RAD54L2: variants seen among roughly 807,000 people sequenced by gnomAD.
RAD54L2 encodes the protein helicase ARIP4.
A neutral mutation model predicts 138.4 loss-of-function variants in RAD54L2; 27 were observed. That is an observed-to-expected ratio of 0.20 (90% confidence interval 0.14 to 0.27). The LOEUF is 0.27. RAD54L2 is among the 10% of genes least tolerant of loss of function. The pLI, the probability that RAD54L2 is intolerant of heterozygous loss-of-function variation, is 1.00. For synonymous variants in RAD54L2, 644 were observed against 723.2 expected (o/e 0.89, Z 1.76); for missense variants, 1,396 against 1,890.2 (o/e 0.74, Z 4.85).
chr3:51,624,953 C>G (rs1041697366), intron 3 of RAD54L2, among the ~76,000 whole-genome samples: 2 of 152,078 alleles, frequency 1.3e-5, no homozygotes, highest in South Asian at 4.2e-4. Flanking sequence ...TGGCTGAGTG[C>G]ATAGGATGAT....
In RAD54L2 at chr3:51,638,196, A is replaced by G. The variant is rs1701035523; in HGVS notation, c.1735A>G (p.Ile579Val). The G allele has an allele frequency of 1.2e-6, 2 of 1,613,868 alleles. No homozygotes were observed. The highest frequency in any genetic ancestry group is 2.7e-5 in the African/African-American group (2 of 74,914). ...IHLPAKEENV[I>V]LVRLSKIQRD... ...TCTCCCTGCCAAGGAAGAAAATGTG[A>G]TCCTTGTGCGGCTCTCCAAGATCCA... Residue 579 changes from isoleucine to valine, a missense_variant, in exon 12 of 23, where the codon ATC becomes GTC. Physicochemically the swap from Ile to Val is conservative, Grantham distance 29 (BLOSUM62 3). Around this residue, in one of 7 missense-constraint regions of RAD54L2, gnomAD observed 211 missense variants for 273.8 expected, o/e 0.77. Coordinates refer to ENST00000684192, the MANE Select transcript of RAD54L2 (RefSeq NM_015106.4). This position sits in a 1 kb window ranked among gnomAD's most constrained non-coding sequence, Gnocchi z 4.3.
At chr3:51,552,525 G>A (rs1051321854) in intron 2 of RAD54L2, among the ~76,000 whole-genome samples, 5 of 146,716 alleles carry the variant, frequency 3.4e-5, no homozygotes, top group African/African-American at 1.0e-4. Flanking sequence ...GCTTCCCAAA[G>A]TGTTGGGATT....
At chr3:51,627,292 A>C (rs370748326) in intron 3 of RAD54L2, among the ~76,000 whole-genome samples, 33 of 152,194 alleles carry the variant, frequency 2.2e-4, no homozygotes, top group Non-Finnish European at 1.5e-5. Context: ...AGTGATGGCT[A>C]TCATTTGTTG....
chr3:51,606,231 G>A (rs1015082032), intron 3 of RAD54L2, among the ~76,000 whole-genome samples: 2 of 152,178 alleles, frequency 1.3e-5, no homozygotes, highest in Non-Finnish European at 2.9e-5. Flanking sequence ...AAGATCCTGG[G>A]TGGGTGAAGA....
At chr3:51,561,857 G>A (rs1380726727) in intron 2 of RAD54L2, among the ~76,000 whole-genome samples, 2 of 151,208 alleles carry the variant, frequency 1.3e-5, no homozygotes, top group Non-Finnish European at 1.5e-5. Flanking sequence ...GCCTGGCTTG[G>A]CTGATTTTTT....
Position 51,612,983 on chromosome 3 carries a change from G to T in RAD54L2, c.140-14570G>T, listed in dbSNP as rs552951664. On this transcript the variant is annotated intron_variant, in intron 3 of 22. Transcript: ENST00000684192. ...TGAGACGAGTCTCGCTCTGTTGCCC[G>T]GGCTGGAGTGTGGTGGCGCAATCTT... is the stretch of plus-strand genomic sequence containing the variant. Among the ~76,000 whole-genome samples, 51 of 151,906 alleles carry T rather than the reference G, an allele frequency of 3.4e-4. 1 individual carries two copies. In the South Asian group the frequency reaches 0.01, roughly 30 times the overall value.
At chr3:51,575,030 G>A (rs1395079655) in intron 2 of RAD54L2, among the ~76,000 whole-genome samples, 2 of 152,136 alleles carry the variant, frequency 1.3e-5, no homozygotes, top group Non-Finnish European at 2.9e-5. Context: ...TGTATAAGGT[G>A]TAAGGAAGGG....
At chr3:51,644,902 A>T (rs1043753684) in intron 16 of RAD54L2, 122 bp from the exon 17 acceptor site, 10 of 935,104 alleles carry the variant, frequency 1.1e-5, no homozygotes, top group African/African-American at 3.3e-5. Context: ...AAAATCCTTG[A>T]GTATGTTGTA....
chr3:51,576,709 T>A (rs1262740958), intron 2 of RAD54L2, among the ~76,000 whole-genome samples: 1 of 152,192 alleles, frequency 6.6e-6, no homozygotes, highest in Non-Finnish European at 1.5e-5. Flanking sequence ...TTTATCATTT[T>A]TATTGTGTCT....
chr3:51,662,730 T>C lies in RAD54L2; in HGVS notation c.3714T>C (p.Thr1238=), dbSNP rs1455386136. Residue 1238 remains threonine, a synonymous_variant, in exon 23 of 23, where the codon ACT becomes ACC. Transcript: ENST00000684192. The surrounding 1 kb of genome is among the most constrained non-coding windows in gnomAD (Gnocchi z 4.6). Reference sequence around the variant, plus strand: ...GCCTCAATAGTTCCCTCTTGGTGACTGGCCAGCCCTGTGGTGACAGGCACC... The same window carrying C: ...GCCTCAATAGTTCCCTCTTGGTGACCGGCCAGCCCTGTGGTGACAGGCACC... The part of the protein sequence containing the change: ...GHCLNSSLLV[T]GQPCGDRHPV... The C allele has an allele frequency of 6.2e-7, 1 of 1,613,556 alleles. No individual in the cohort carries two copies. The highest frequency in any genetic ancestry group is 1.3e-5 in the African/African-American group (1 of 74,902).
intron 19 of RAD54L2, among the ~76,000 whole-genome samples, chr3:51,649,482 AG>A (rs1701372709): frequency 6.6e-6 from 1 of 152,192 alleles, no homozygotes; most frequent in African/African-American, 2.4e-5. Context: ...AGCAACCCCA[AG>A]ACACATAATT....
intron 2 of RAD54L2, among the ~76,000 whole-genome samples, chr3:51,560,305 A>G (rs911401154): frequency 2.6e-5 from 4 of 152,056 alleles, no homozygotes; most frequent in Non-Finnish European, 5.9e-5. Flanking sequence ...TGAGGTTTGA[A>G]GAGCAATACT....
In RAD54L2 at chr3:51,663,160, T is replaced by C; in HGVS notation, c.4144T>C (p.Tyr1382His). Residue 1382 changes from tyrosine (Y) to histidine (H), a missense_variant, in exon 23 of 23, where the codon TAT (tyrosine) becomes CAT (histidine). Around this residue, in one of 7 missense-constraint regions of RAD54L2, gnomAD observed 634 missense variants for 711.2 expected, o/e 0.89. Coordinates refer to ENST00000684192, the MANE Select transcript of RAD54L2 (RefSeq NM_015106.4). Reference protein sequence around the residue: ...NPSVPGILPSYSLPFSQPLLS... With the variant: ...NPSVPGILPSHSLPFSQPLLS... ...TTCTGTGCCAGGGATACTACCCAGC[T>C]ATTCACTCCCATTCTCACAGCCACT... 6.2e-7 allele frequency: 1 copy of C among 1,613,984 alleles called. No homozygotes were observed. Among genetic ancestry groups the C allele is most frequent in the South Asian group, 1.1e-5 (1 of 91,084 alleles).
chr3:51,609,325 G>A (rs1700277356), intron 3 of RAD54L2, among the ~76,000 whole-genome samples: 1 of 152,206 alleles, frequency 6.6e-6, no homozygotes, highest in Admixed American at 6.5e-5. Flanking sequence ...ATTTTGCCAA[G>A]GCATGGCTTA....
chr3:51,545,561 A>AT (rs1289279930), intron 2 of RAD54L2, among the ~76,000 whole-genome samples: 1 of 151,594 alleles, frequency 6.6e-6, no homozygotes, highest in Non-Finnish European at 1.5e-5. Context: ...TTTTTTTAAG[A>AT]TTTTTTTTAA....
At chr3:51,607,670 CA>C (rs1472115688) in intron 3 of RAD54L2, among the ~76,000 whole-genome samples, 1 of 151,888 alleles carries the variant, frequency 6.6e-6, no homozygotes, top group Non-Finnish European at 1.5e-5. Flanking sequence ...CCTCACTTCC[CA>C]GACGGGGCGG....
intron 2 of RAD54L2, among the ~76,000 whole-genome samples, chr3:51,560,074 CCAGTTAAG>C (rs1381036892): frequency 2.4e-4 from 37 of 151,592 alleles, no homozygotes; most frequent in African/African-American, 7.8e-4. Flanking sequence ...GTGATTTGCT[CCAGTTAAG>C]TGGTGCTGTT....
At chr3:51,569,420 G>T (rs1466144604) in intron 2 of RAD54L2, among the ~76,000 whole-genome samples, 2 of 149,888 alleles carry the variant, frequency 1.3e-5, no homozygotes, top group African/African-American at 4.9e-5. Flanking sequence ...GTCTTGCTCT[G>T]TCACCCAGGC....
intron 3 of RAD54L2, among the ~76,000 whole-genome samples, chr3:51,593,190 T>G (rs1382171584): frequency 1.3e-5 from 2 of 152,014 alleles, no homozygotes; most frequent in Non-Finnish European, 2.9e-5. Flanking sequence ...ATCTTGTGGA[T>G]AGAGGCTGAG....
Sources: gnomAD v4.1 joint callset for allele counts (sites outside exome capture counted in the v4.1 genomes callset) on GRCh38, gnomAD v4.1.1 for gene constraint, gnomAD v4.1.1 regional missense constraint, Gnocchi (gnomAD v3.1) non-coding constraint, MANE v1.5 for transcripts, NCBI Gene and HGNC (gene_info 2026-07-23, HGNC 2026-07-21) for gene names.